SH3BP4: variants seen among roughly 807,000 people sequenced by gnomAD.
The protein encoded by SH3BP4 is SH3 domain binding protein 4.
Under a neutral mutation model 65.5 loss-of-function variants are expected in SH3BP4, and 33 were observed. The observed-to-expected ratio is 0.50, with a 90% CI of 0.38 to 0.67. SH3BP4 has a LOEUF of 0.67. Among genes scored for constraint, SH3BP4 ranks in the 30% least tolerant of loss-of-function variants. SH3BP4 has a pLI of 0.00. For synonymous variants in SH3BP4, 552 were observed against 545.5 expected (o/e 1.01, Z -0.17); for missense variants, 1,134 against 1,261.4 (o/e 0.90, Z 1.53).
chr2:235,034,923 A>C lies in SH3BP4; in HGVS notation c.-80A>C. 2 of 1,205,906 alleles carry C rather than the reference A, an allele frequency of 1.7e-6. No homozygotes were observed. Among genetic ancestry groups the C allele is most frequent in the Non-Finnish European group, 2.4e-6 (2 of 820,566 alleles). The allele number at this position is 1,205,906 out of a possible 1,614,324, so 74.7% of individuals were successfully genotyped here. A position where few individuals can be genotyped will look rare whatever the true frequency, so the allele number is the denominator to read the frequency against. On this transcript the variant is annotated 5_prime_UTR_variant, in exon 3 of 6. Coordinates refer to ENST00000392011, the MANE Select transcript of SH3BP4 (RefSeq NM_014521.3). The surrounding 1 kb of genome is among the most constrained non-coding windows in gnomAD (Gnocchi z 6.2). ...GCCGCGCAGCGTGTTTGCTTGAGGC[A>C]GAAGCTTCAGCATCTGCTGGGATAA...
rs144238656 is a variant in SH3BP4, at chr2:235,005,947, C to T, written c.-133+10571C>T. Among the ~76,000 whole-genome samples the T allele has an allele frequency of 6.7e-3, 1,022 of 152,344 alleles. 19 individuals carry two copies. Among genetic ancestry groups the T allele is most frequent in the African/African-American group, 0.023 (964 of 41,582 alleles). Reference sequence around the variant, plus strand: ...AATTGGAATCCCGCTCTTGCGTGCCCGCCTGTGTTCCTGGCTGTGGGAGGC... The same window carrying T: ...AATTGGAATCCCGCTCTTGCGTGCCTGCCTGTGTTCCTGGCTGTGGGAGGC... On this transcript the variant is annotated intron_variant, in intron 2 of 5. Transcript: ENST00000392011.
chr2:235,004,883 T>C (rs1273491669), intron 2 of SH3BP4, among the ~76,000 whole-genome samples: 1 of 152,256 alleles, frequency 6.6e-6, no homozygotes, highest in Non-Finnish European at 1.5e-5. Context: ...TCTTCTCTCA[T>C]TTCCAAGTTC....
In SH3BP4 at chr2:235,054,465, G is replaced by T; in HGVS notation, c.*649G>T. Reference sequence around the variant, plus strand: ...GTGCTTTGCCTCACTCGTAGTAAATGACCATCCATAGAATATGTGAATCTT... The same window carrying T: ...GTGCTTTGCCTCACTCGTAGTAAATTACCATCCATAGAATATGTGAATCTT... On this transcript the variant is annotated 3_prime_UTR_variant, in exon 6 of 6. Coordinates refer to ENST00000392011, the MANE Select transcript of SH3BP4 (RefSeq NM_014521.3). The T allele has an allele frequency of 6.6e-6, 1 of 152,506 alleles. No individual in the cohort carries two copies. The highest frequency in any genetic ancestry group is 1.5e-5 in the Non-Finnish European group (1 of 68,180). 9.4% of individuals were successfully genotyped at this position (152,506 alleles called of 1,614,324 possible). A position where few individuals can be genotyped will look rare whatever the true frequency, so the allele number is the denominator to read the frequency against.
In SH3BP4 at chr2:235,041,290, A is replaced by T. The variant is rs1695631263; in HGVS notation, c.521A>T (p.Asn174Ile). 6.2e-7 allele frequency: 1 copy of T among 1,614,190 alleles called. No homozygotes were observed. The highest frequency in any genetic ancestry group is 8.5e-7 in the Non-Finnish European group (1 of 1,180,036). The stretch of plus-strand genomic sequence containing the variant: ...CAGACCAATCCATTTCTGAATGGGA[A>T]CGTGCCCGTCATGCCCAGCCTGGAT... Reference protein sequence around the residue: ...GVQTNPFLNGNVPVMPSLDEL... With the variant: ...GVQTNPFLNGIVPVMPSLDEL... Residue 174 changes from asparagine (N) to isoleucine (I), a missense_variant, in exon 4 of 6, where the codon AAC becomes ATC. Asn to Ile is a moderately radical substitution (Grantham distance 149). Coordinates refer to ENST00000392011, the MANE Select transcript of SH3BP4 (RefSeq NM_014521.3). This position sits in a 1 kb window ranked among gnomAD's most constrained non-coding sequence, Gnocchi z 6.0.
At chr2:235,048,973 A>G (rs545484266) in intron 4 of SH3BP4, among the ~76,000 whole-genome samples, 1 of 152,234 alleles carries the variant, frequency 6.6e-6, no homozygotes, top group East Asian at 1.9e-4. Flanking sequence ...CTGCTGTGAA[A>G]TTTTTCTATT....
Position 235,042,341 on chromosome 2 carries a change from G to A in SH3BP4, c.1572G>A (p.Trp524Ter), listed in dbSNP as rs560269724. The change falls in exon 4 of 6, where the codon TGG (tryptophan) becomes TGA (stop). Residue 524 changes from tryptophan to a stop codon, truncating the protein, a stop_gained. Coordinates refer to ENST00000392011, the MANE Select transcript of SH3BP4 (RefSeq NM_014521.3). LOFTEE classifies it high-confidence loss of function. This position sits in a 1 kb window ranked among gnomAD's most constrained non-coding sequence, Gnocchi z 7.3. ...CTGCCCCGGTGGCCCTGCAGCTGTG[G>A]GGGAAGCACCAGTTCGTTTTGTCCA... Reference protein sequence around the residue: ...PNPAPVALQLWGKHQFVLSRP... With the variant: ...PNPAPVALQL 6 of 1,614,166 alleles carry A rather than the reference G, an allele frequency of 3.7e-6. No homozygotes were observed. In the Admixed American group the frequency reaches 6.7e-5, roughly 18 times the overall value.
At chr2:234,986,001 A>G (rs1362327932) in intron 1 of SH3BP4, among the ~76,000 whole-genome samples, 1 of 149,554 alleles carries the variant, frequency 6.7e-6, no homozygotes, top group African/African-American at 2.5e-5. Context: ...AGCCTCTGAC[A>G]CTCATCTACG....
At chr2:235,016,631 C>T (rs376412068) in intron 2 of SH3BP4, among the ~76,000 whole-genome samples, 5 of 152,192 alleles carry the variant, frequency 3.3e-5, no homozygotes, top group African/African-American at 1.2e-4. Flanking sequence ...GCCTCAGCCT[C>T]CCAAGTAGCT....
rs1026224485 is a variant in SH3BP4 at position 235,026,988 on chromosome 2, T to G, written c.-132-7883T>G. ...GAGATCAGGCACGTTCAGGGTGATA[T>G]GACGATAGACAGTGCTCCAGGAGCA... is the stretch of plus-strand genomic sequence containing the variant. On this transcript the variant is annotated intron_variant, in intron 2 of 5. Coordinates refer to ENST00000392011, the MANE Select transcript of SH3BP4 (RefSeq NM_014521.3). The surrounding 1 kb of genome is among the most constrained non-coding windows in gnomAD (Gnocchi z 4.6). 6.6e-6 allele frequency among the ~76,000 whole-genome samples: 1 copy of G among 152,214 alleles called. No homozygotes were observed. Among genetic ancestry groups the G allele is most frequent in the African/African-American group, 2.4e-5 (1 of 41,462 alleles).
intron 1 of SH3BP4, among the ~76,000 whole-genome samples, chr2:234,983,777 T>A (rs4663174): frequency 0.58 from 88,170 of 151,896 alleles, 26,921 homozygotes; most frequent in East Asian, 0.88. Context: ...TTGAAGATGG[T>A]GGAGGGGCCC....
At chr2:234,990,698 G>A (rs1025463087) in intron 1 of SH3BP4, among the ~76,000 whole-genome samples, 9 of 152,308 alleles carry the variant, frequency 5.9e-5, no homozygotes, top group East Asian at 3.9e-4. Context: ...GGGCAGAGCC[G>A]TGAGAATTAC....
rs750269034 is a variant in SH3BP4 at position 235,042,458 on chromosome 2, G to T, written c.1689G>T (p.Gln563His). 3 of 1,614,164 alleles carry T rather than the reference G, an allele frequency of 1.9e-6. No individual in the cohort carries two copies. Among genetic ancestry groups the T allele is most frequent in the Non-Finnish European group, 2.5e-6 (3 of 1,180,026 alleles). ...AGGCCAAAGTGGTGCGAGGATTCCA[G>T]CTGAAGCTGGGCAAGGTGAGCCGCC... Reference protein sequence around the residue: ...SEQAKVVRGFQLKLGKVSRLI... With the variant: ...SEQAKVVRGFHLKLGKVSRLI... The change falls in exon 4 of 6, where the codon CAG (glutamine) becomes CAT (histidine). Residue 563 changes from glutamine (Q) to histidine (H), a missense_variant. Coordinates refer to ENST00000392011, the MANE Select transcript of SH3BP4 (RefSeq NM_014521.3). The surrounding 1 kb of genome is among the most constrained non-coding windows in gnomAD (Gnocchi z 7.3).
chr2:234,971,808 TTTTTCTTTTTTTC>T (rs970334649), intron 1 of SH3BP4, among the ~76,000 whole-genome samples: 1 of 152,146 alleles, frequency 6.6e-6, no homozygotes, highest in African/African-American at 2.4e-5. Context: ...AAAGTTTTCC[TTTTTCTTTTTTTC>T]TTTTCTTTTT....
At chr2:234,955,561 C>T (rs1358637495) in intron 1 of SH3BP4, among the ~76,000 whole-genome samples, 1 of 151,948 alleles carries the variant, frequency 6.6e-6, no homozygotes, top group Non-Finnish European at 1.5e-5. Context: ...CTTCAGAGGG[C>T]GAGGGAGTGC....
chr2:234,972,326 G>A (rs1444819113), intron 1 of SH3BP4, among the ~76,000 whole-genome samples: 1 of 151,872 alleles, frequency 6.6e-6, no homozygotes, highest in African/African-American at 2.4e-5. Context: ...TAGAGACAGG[G>A]CTTTACCATG....
At chr2:234,953,758 G>A (rs1692529195) in intron 1 of SH3BP4, among the ~76,000 whole-genome samples, 1 of 151,996 alleles carries the variant, frequency 6.6e-6, no homozygotes, top group Non-Finnish European at 1.5e-5. Context: ...TCACCTGGCC[G>A]TCCTGCCCAG....
In SH3BP4 at chr2:235,054,422, C is replaced by G. The variant is rs571644647; in HGVS notation, c.*606C>G. The G allele has an allele frequency of 6.6e-6, 1 of 152,370 alleles. No individual in the cohort carries two copies. Among genetic ancestry groups the G allele is most frequent in the South Asian group, 2.1e-4 (1 of 4,832 alleles). The allele number at this position is 152,370 out of a possible 1,614,324, so 9.4% of individuals were successfully genotyped here. On this transcript the variant is annotated 3_prime_UTR_variant, in exon 6 of 6. Transcript: ENST00000392011. ...AAGGCCCCAGGTCCTGCTCCCTCCT[C>G]GGATTTGATTGTCTTCCGTGCTTTG...
At chr2:235,023,186 G>A (rs1347397443) in intron 2 of SH3BP4, among the ~76,000 whole-genome samples, 1 of 152,112 alleles carries the variant, frequency 6.6e-6, no homozygotes, top group Non-Finnish European at 1.5e-5. Context: ...CTTTTCACTT[G>A]CTCGTAGCAT....
chr2:235,009,453 G>A (rs564416893), intron 2 of SH3BP4, among the ~76,000 whole-genome samples: 2 of 152,308 alleles, frequency 1.3e-5, no homozygotes, highest in South Asian at 4.1e-4. Flanking sequence ...TGGGACCCTG[G>A]AGGACGGAGC....
Sources: allele counts gnomAD v4.1 joint callset (sites outside exome capture counted in the v4.1 genomes callset), GRCh38; gene constraint gnomAD v4.1.1; non-coding constraint Gnocchi (gnomAD v3.1); transcripts MANE v1.5; gene names NCBI Gene and HGNC (gene_info 2026-07-23, HGNC 2026-07-21).